Variants in TNFRSF10B observed in about 807,000 individuals in gnomAD.
TNFRSF10B encodes the protein TNF receptor superfamily member 10b, also known as tumor necrosis factor receptor superfamily member 10B.
In TNFRSF10B, 35 loss-of-function variants were observed where a neutral mutation model predicts 41.4. The ratio of observed to expected loss-of-function variants is 0.85; its 90% CI spans 0.65 to 1.12. The LOEUF is 1.12. Ranked by LOEUF, TNFRSF10B falls within the 50% of genes most tolerant of loss-of-function variation. The pLI is 0.00. For synonymous variants in TNFRSF10B, 230 were observed against 215.5 expected (o/e 1.07, Z -0.59); for missense variants, 584 against 552.7 (o/e 1.06, Z -0.57).
chr8:23,057,107 T>C (rs572998912), intron 1 of TNFRSF10B, among the ~76,000 whole-genome samples: 5 of 149,154 alleles, frequency 3.4e-5, no homozygotes, highest in Admixed American at 2.6e-4. Flanking sequence ...TGGTGCAATC[T>C]TGGCTCACTG....
chr8:23,062,214 CTTTTT>C (rs998529101), intron 1 of TNFRSF10B, among the ~76,000 whole-genome samples: 1 of 151,764 alleles, frequency 6.6e-6, no homozygotes, highest in Non-Finnish European at 1.5e-5. Flanking sequence ...TATGGTTTTT[CTTTTT>C]TCTTTTTCTT....
chr8:23,038,297 A>G (rs538951198), intron 2 of TNFRSF10B, among the ~76,000 whole-genome samples: 103 of 152,324 alleles, frequency 6.8e-4, no homozygotes, highest in African/African-American at 2.3e-3. Context: ...AATAAAGGTT[A>G]GTTCACTCTA....
chr8:23,066,989 T>C (rs1017986278), intron 1 of TNFRSF10B, among the ~76,000 whole-genome samples: 2 of 150,502 alleles, frequency 1.3e-5, no homozygotes, highest in African/African-American at 4.9e-5. Flanking sequence ...CTTTCTTTCT[T>C]TTTTTTGAGT....
intron 1 of TNFRSF10B, among the ~76,000 whole-genome samples, chr8:23,057,561 T>G (rs1812709313): frequency 6.6e-6 from 1 of 151,868 alleles, no homozygotes; most frequent in Non-Finnish European, 1.5e-5. Flanking sequence ...GCCTCCCCAG[T>G]AGCTGGGATT....
In TNFRSF10B at chr8:23,020,199, A is replaced by G. The variant is rs777571672; in HGVS notation, c.*2472T>C. 4.7e-5 allele frequency: 21 copies of G among 444,836 alleles called. No homozygotes were observed. The highest frequency in any genetic ancestry group is 5.9e-5 in the Non-Finnish European group (13 of 219,984). 27.6% of individuals were successfully genotyped at this position (444,836 alleles called of 1,614,324 possible). On this transcript the variant is annotated 3_prime_UTR_variant, in exon 9 of 9. Coordinates refer to ENST00000276431, the MANE Select transcript of TNFRSF10B (RefSeq NM_003842.5). ...TAAATACATAAGTATTTTGTACACA[A>G]TGTGCTTCCTTGTTTGTATTATAAC...
At chr8:23,033,585 CAAAAAAAAAAAAAAAAAAAAAAAA>C (rs59282000) in intron 2 of TNFRSF10B, among the ~76,000 whole-genome samples, 2 of 62,278 alleles carry the variant, frequency 3.2e-5, no homozygotes, top group Admixed American at 2.1e-4. Context: ...GACTCCGTCT[CAAAAAAAAAAAAAAAAAAAAAAAA>C]AAAAAAAAAA....
chr8:23,031,969 C>T (rs1318751369), intron 2 of TNFRSF10B, among the ~76,000 whole-genome samples: 4 of 147,746 alleles, frequency 2.7e-5, no homozygotes, highest in African/African-American at 5.0e-5. Flanking sequence ...TAGAGTGCAG[C>T]GATCTCGGCT....
chr8:23,059,607 C>T (rs187696500), intron 1 of TNFRSF10B, among the ~76,000 whole-genome samples: 38 of 152,244 alleles, frequency 2.5e-4, no homozygotes, highest in African/African-American at 5.1e-4. Flanking sequence ...CCTGGGTTCA[C>T]GCCATTCTCC....
rs896830085 is a variant in TNFRSF10B, at chr8:23,054,592, T to A, written c.145-11349A>T. On this transcript the variant is annotated intron_variant, in intron 1 of 8. Coordinates refer to ENST00000276431, the MANE Select transcript of TNFRSF10B (RefSeq NM_003842.5). ...TTTGACTTTGCTCTCCTTTAAGGAA[T>A]CAAACTTGACTTAGGAAGCCAAGAA... 2.2e-4 allele frequency among the ~76,000 whole-genome samples: 33 copies of A among 152,204 alleles called. 1 individual carries two copies. The highest frequency in any genetic ancestry group is 2.2e-3 in the Admixed American group (33 of 15,272).
Position 23,022,185 on chromosome 8 carries a change from G to C in TNFRSF10B, c.*486C>G, listed in dbSNP as rs57370403. On this transcript the variant is annotated 3_prime_UTR_variant, in exon 9 of 9. Coordinates refer to ENST00000276431, the MANE Select transcript of TNFRSF10B (RefSeq NM_003842.5). Reference sequence around the variant, plus strand: ...TGAGGTGGGAGAATCGCTTGAGCCTGAGAGGTCAAGGCTATAGTGAGCCAA... The same window carrying C: ...TGAGGTGGGAGAATCGCTTGAGCCTCAGAGGTCAAGGCTATAGTGAGCCAA... The C allele has an allele frequency of 2.2e-3, 979 of 450,492 alleles. 8 individuals carry two copies. The highest frequency in any genetic ancestry group is 0.017 in the African/African-American group (842 of 50,044). The allele number at this position is 450,492 out of a possible 1,614,324, so 27.9% of individuals were successfully genotyped here. A position where few individuals can be genotyped will look rare whatever the true frequency, so the allele number is the denominator to read the frequency against.
intron 2 of TNFRSF10B, 142 bp from the exon 3 acceptor site, chr8:23,031,014 A>G (rs779563570): frequency 1.1e-4 from 76 of 681,678 alleles, no homozygotes; most frequent in Non-Finnish European, 1.6e-4. Context: ...CAGTTCATCA[A>G]TTCTGCATTT....
intron 1 of TNFRSF10B, among the ~76,000 whole-genome samples, chr8:23,051,670 G>A (rs1261503098): frequency 2.6e-5 from 4 of 151,596 alleles, no homozygotes; most frequent in Admixed American, 6.6e-5. Flanking sequence ...TCAGCCTCCC[G>A]AGTAGCTGGG....
At chr8:23,055,622 G>T (rs1424466401) in intron 1 of TNFRSF10B, among the ~76,000 whole-genome samples, 1 of 151,058 alleles carries the variant, frequency 6.6e-6, no homozygotes, top group Non-Finnish European at 1.5e-5. Flanking sequence ...CTTAAAGCAT[G>T]ACAAAATAAT....
At chr8:23,061,634 C>T (rs553068312) in intron 1 of TNFRSF10B, among the ~76,000 whole-genome samples, 14 of 152,250 alleles carry the variant, frequency 9.2e-5, no homozygotes, top group East Asian at 7.7e-4. Flanking sequence ...AAAAGCTTTC[C>T]GTCTTTCAAC....
chr8:23,051,545 C>CCCT (rs1563320169), intron 1 of TNFRSF10B, among the ~76,000 whole-genome samples: 1 of 136,844 alleles, frequency 7.3e-6, no homozygotes, highest in African/African-American at 2.7e-5. Context: ...TAGTAAAATA[C>CCCT]TCTTTTTTTT....
Position 23,022,702 on chromosome 8 carries a change from A to G in TNFRSF10B, c.1292T>C (p.Leu431Pro). ...HLLSSGKFMY[L>P]EGNADSAMS ...CATGGCAGAGTCTGCATTACCTTCT[A>G]GATACATGAACTTTCCAGAGCTCAA... Residue 431 changes from leucine (L) to proline (P), a missense_variant, in exon 9 of 9, where the codon CTA (leucine) becomes CCA (proline). By Grantham distance (98) the Leu-to-Pro change is moderately conservative (BLOSUM62 -3). Transcript: ENST00000276431. The G allele has an allele frequency of 6.2e-7, 1 of 1,614,062 alleles. No homozygotes were observed. Among genetic ancestry groups the G allele is most frequent in the Non-Finnish European group, 8.5e-7 (1 of 1,180,016 alleles).
Position 23,028,501 on chromosome 8 carries a change from G to A in TNFRSF10B, c.578C>T (p.Ala193Val). 6.2e-7 allele frequency: 1 copy of A among 1,614,138 alleles called. No homozygotes were observed. Among genetic ancestry groups the A allele is most frequent in the Non-Finnish European group, 8.5e-7 (1 of 1,179,990 alleles). Residue 193 changes from alanine to valine, a missense_variant, in exon 5 of 9, where the codon GCT (alanine) becomes GTT (valine). Transcript: ENST00000276431. ...GCTGGAGGTCACCGTCTCCTCCACA[G>A]CTGGGACTTCCCCACTGTGCTTTGT... ...SGTKHSGEVP[A>V]VEETVTSSPG...
chr8:23,028,487 C>T lies in TNFRSF10B; in HGVS notation c.592G>A (p.Val198Met). The T allele has an allele frequency of 2.5e-6, 4 of 1,614,024 alleles. No individual in the cohort carries two copies. The highest frequency in any genetic ancestry group is 3.4e-6 in the Non-Finnish European group (4 of 1,179,960). Residue 198 changes from valine to methionine, a missense_variant, in exon 5 of 9, where the codon GTG becomes ATG. Val to Met is a conservative substitution (Grantham distance 21). Coordinates refer to ENST00000276431, the MANE Select transcript of TNFRSF10B (RefSeq NM_003842.5). ...SGEVPAVEET[V>M]TSSPGTPASP... ...GCAGGAGTCCCTGGGCTGGAGGTCA[C>T]CGTCTCCTCCACAGCTGGGACTTCC...
intron 7 of TNFRSF10B, 79 bp downstream of exon 7, chr8:23,027,054 G>A: frequency 1.2e-6 from 2 of 1,606,016 alleles, no homozygotes; most frequent in Non-Finnish European, 1.7e-6. Context: ...GGAGAGCTAA[G>A]GCACTGCCCT....
Sources: allele counts gnomAD v4.1 joint callset (sites outside exome capture counted in the v4.1 genomes callset), GRCh38; gene constraint gnomAD v4.1.1; transcripts MANE v1.5; gene names NCBI Gene and HGNC (gene_info 2026-07-23, HGNC 2026-07-21).